HDAC9: variants seen among roughly 807,000 people sequenced by gnomAD.
HDAC9 encodes histone deacetylase 9.
HDAC9 carries 41 observed loss-of-function variants against 139.4 expected under a neutral mutation model. That is an observed-to-expected ratio of 0.29 (90% CI 0.23 to 0.38). The LOEUF (loss-of-function observed/expected upper bound fraction) is 0.38. Ranked by LOEUF, HDAC9 falls within the 10% of genes least tolerant of loss-of-function variation. The pLI is 1.00. For synonymous variants in HDAC9, 517 were observed against 476.2 expected, an observed-to-expected ratio of 1.09 and a Z score of -1.12; for missense variants, 1,147 against 1,297.0, an observed-to-expected ratio of 0.88 and a Z score of 1.78.
At chr7:18,110,953 A>C (rs550590978) in intron 1 of HDAC9, among the ~76,000 whole-genome samples, 1 of 152,292 alleles carries the variant, frequency 6.6e-6, no homozygotes, top group Non-Finnish European at 1.5e-5. Context: ...ATTAGAATTC[A>C]GGAGAGAAAC....
intron 1 of HDAC9, among the ~76,000 whole-genome samples, chr7:18,140,367 T>A (rs1328885588): frequency 6.6e-6 from 1 of 152,078 alleles, no homozygotes; most frequent in Non-Finnish European, 1.5e-5. Flanking sequence ...AACATCTGCA[T>A]AAAAGTTATT....
At chr7:18,414,628 A>G (rs1260215316) in intron 1 of HDAC9, among the ~76,000 whole-genome samples, 2 of 152,316 alleles carry the variant, frequency 1.3e-5, no homozygotes, top group African/African-American at 2.4e-5. Context: ...ACATCTTGCT[A>G]TTTCCAAGTT....
At chr7:18,693,843 G>C (rs141540573) in intron 12 of HDAC9, among the ~76,000 whole-genome samples, 3 of 152,242 alleles carry the variant, frequency 2.0e-5, no homozygotes, top group Non-Finnish European at 2.9e-5. Flanking sequence ...TTAATATGTT[G>C]CTGTGCATTA....
intron 3 of HDAC9, among the ~76,000 whole-genome samples, chr7:18,588,703 G>A (rs948980241): frequency 4.6e-5 from 7 of 152,060 alleles, no homozygotes; most frequent in African/African-American, 1.7e-4. Flanking sequence ...ATCTTTTGTG[G>A]GTGTGCTTAT....
chr7:18,969,466 C>T (rs1321184518), intron 24 of HDAC9, among the ~76,000 whole-genome samples: 1 of 151,888 alleles, frequency 6.6e-6, no homozygotes, highest in South Asian at 2.1e-4. Context: ...TGACAAAATC[C>T]AATAGCCAAA....
chr7:18,963,559 T>C (rs971797208), intron 24 of HDAC9, among the ~76,000 whole-genome samples: 2 of 152,152 alleles, frequency 1.3e-5, no homozygotes, highest in African/African-American at 4.8e-5. Context: ...GAGTTAAAAA[T>C]GGAGAAGGAG....
At chr7:18,788,165 G>A (rs1176577311) in intron 16 of HDAC9, among the ~76,000 whole-genome samples, 2 of 152,090 alleles carry the variant, frequency 1.3e-5, no homozygotes, top group Non-Finnish European at 2.9e-5. Flanking sequence ...CTGCCAGCTG[G>A]AGCTTGGCAG....
intron 2 of HDAC9, among the ~76,000 whole-genome samples, chr7:18,583,285 G>A (rs1828389010): frequency 6.6e-6 from 1 of 152,084 alleles, no homozygotes; most frequent in Non-Finnish European, 1.5e-5. Flanking sequence ...TACGGATGAG[G>A]GAACAGAGGC....
chr7:18,088,004 G>C (rs1478128284), intron 1 of HDAC9: 1 of 152,272 alleles, frequency 6.6e-6, no homozygotes, highest in Admixed American at 6.5e-5. Context: ...TGAGGATGCA[G>C]TTCCTGTGAT....
intron 22 of HDAC9, among the ~76,000 whole-genome samples, chr7:18,878,644 A>G (rs1401968351): frequency 6.6e-6 from 1 of 152,200 alleles, no homozygotes; most frequent in Non-Finnish European, 1.5e-5. Context: ...TAAACTAGGT[A>G]TTGAAGGAAC....
chr7:18,980,768 C>CTTCCTTCTTG (rs1476520666), intron 25 of HDAC9, among the ~76,000 whole-genome samples: 3 of 147,640 alleles, frequency 2.0e-5, no homozygotes, highest in African/African-American at 7.6e-5. Flanking sequence ...CCTTCTTCTT[C>CTTCCTTCTTG]TTCTTCTTCC....
intron 1 of HDAC9, among the ~76,000 whole-genome samples, chr7:18,098,588 G>A (rs1388641716): frequency 3.7e-4 from 57 of 152,084 alleles, no homozygotes; most frequent in Non-Finnish European, 5.9e-5. Context: ...TGTTCAGGGC[G>A]ATACACACAA....
At chr7:18,409,130 G>T (rs1788286847) in intron 1 of HDAC9, among the ~76,000 whole-genome samples, 1 of 152,162 alleles carries the variant, frequency 6.6e-6, no homozygotes, top group Admixed American at 6.5e-5. Flanking sequence ...TATTTTGTAG[G>T]TTTTGCTGTC....
chr7:18,732,028 A>G (rs1786101448), intron 13 of HDAC9, among the ~76,000 whole-genome samples: 1 of 151,252 alleles, frequency 6.6e-6, no homozygotes, highest in African/African-American at 2.4e-5. Context: ...GAATATGAAT[A>G]CATGTATTTT....
chr7:18,256,643 G>T (rs1293117207), intron 2 of HDAC9, among the ~76,000 whole-genome samples: 2 of 152,162 alleles, frequency 1.3e-5, no homozygotes, highest in Admixed American at 1.3e-4. Flanking sequence ...AAAAATTTTA[G>T]TTGCTTTATA....
chr7:18,552,893 A>T (rs1196589480), intron 2 of HDAC9, among the ~76,000 whole-genome samples: 1 of 152,216 alleles, frequency 6.6e-6, no homozygotes, highest in African/African-American at 2.4e-5. Context: ...ATTCTTCCAG[A>T]TGGCATTTAC....
chr7:18,554,660 A>C (rs1044609132), intron 2 of HDAC9, among the ~76,000 whole-genome samples: 1 of 152,102 alleles, frequency 6.6e-6, no homozygotes, highest in Non-Finnish European at 1.5e-5. Context: ...GATCATGCTG[A>C]TTCTTCTGCT....
intron 21 of HDAC9, among the ~76,000 whole-genome samples, chr7:18,841,601 G>C (rs955787193): frequency 7.9e-5 from 12 of 152,096 alleles, no homozygotes; most frequent in African/African-American, 2.9e-4. Flanking sequence ...GTGTGATTTT[G>C]GAGACAGTAC....
chr7:18,885,244 C>G (rs1051321296), intron 22 of HDAC9, among the ~76,000 whole-genome samples: 2 of 152,214 alleles, frequency 1.3e-5, no homozygotes, highest in African/African-American at 4.8e-5. Flanking sequence ...TGCCACCCAA[C>G]CTCTTGAAGA....
Sources: gnomAD v4.1 joint callset for allele counts (sites outside exome capture counted in the v4.1 genomes callset) on GRCh38, gnomAD v4.1.1 for gene constraint, MANE v1.5 for transcripts, NCBI Gene and HGNC (gene_info 2026-07-23, HGNC 2026-07-21) for gene names.